Variants in TPTE observed in about 807,000 individuals in gnomAD.
TPTE encodes transmembrane phosphatase with tensin homology.
A neutral mutation model predicts 84.1 loss-of-function variants in TPTE; 59 were observed. The observed-to-expected ratio is 0.70, with a 90% CI of 0.57 to 0.87. The LOEUF is 0.87. Among genes scored for constraint, TPTE ranks in the 40% least tolerant of loss-of-function variants. The probability of loss-of-function intolerance (pLI) is 0.00; values close to 1 mark genes in which losing one functional copy is unlikely to be tolerated. For synonymous variants in TPTE, 130 were observed against 223.5 expected (o/e 0.58, Z 3.73); for missense variants, 382 against 659.6 (o/e 0.58, Z 4.61).
At chr21:10,545,999 A>G (rs949523555) in intron 7 of TPTE, among the ~76,000 whole-genome samples, 32 of 152,328 alleles carry the variant, frequency 2.1e-4, no homozygotes, top group African/African-American at 6.0e-4. Context: ...ATATATACAT[A>G]TATGTGTGTG....
At chr21:10,529,729 C>T (rs1477377362) in intron 3 of TPTE, among the ~76,000 whole-genome samples, 15 of 152,422 alleles carry the variant, frequency 9.8e-5, no homozygotes, top group South Asian at 2.1e-4. Flanking sequence ...CAGATTTATT[C>T]GCTGACAAGT....
intron 20 of TPTE, among the ~76,000 whole-genome samples, chr21:10,596,897 A>G (rs2075599008): frequency 6.6e-6 from 1 of 152,310 alleles, no homozygotes; most frequent in Admixed American, 6.5e-5. Context: ...TGGAATGGGA[A>G]AGAGGGAACT....
chr21:10,539,765 A>C (rs1228947974), intron 4 of TPTE, among the ~76,000 whole-genome samples: 1 of 152,312 alleles, frequency 6.6e-6, no homozygotes, highest in Non-Finnish European at 1.5e-5. Context: ...TAGTCCTAGC[A>C]CTTTGGGAGG....
chr21:10,584,879 A>AGTGTGTGTGTGTGTGTGTGT, intron 17 of TPTE, among the ~76,000 whole-genome samples: 2 of 148,850 alleles, frequency 1.3e-5, no homozygotes, highest in East Asian at 2.0e-4. Flanking sequence ...ATGCTTTACG[A>AGTGTGTGTGTGTGTGTGTGT]GTGTGTGTGT....
intron 17 of TPTE, among the ~76,000 whole-genome samples, chr21:10,589,926 A>G (rs1173769113): frequency 6.6e-6 from 1 of 152,312 alleles, no homozygotes; most frequent in African/African-American, 2.4e-5. Flanking sequence ...AAAAGCCTGT[A>G]ATCTGCCATC....
At chr21:10,603,470 A>T (rs926473091) in intron 22 of TPTE, 92 bp from the exon 23 acceptor site, 2 of 1,271,694 alleles carry the variant, frequency 1.6e-6, no homozygotes, top group Non-Finnish European at 1.1e-6. Flanking sequence ...TGTTTGATAA[A>T]TATAAAAAAG....
chr21:10,600,118 T>C (rs1323147150), intron 21 of TPTE, among the ~76,000 whole-genome samples: 1 of 152,266 alleles, frequency 6.6e-6, no homozygotes, highest in East Asian at 1.9e-4. Flanking sequence ...TTTGTTGTTG[T>C]TTTTCCAATT....
In TPTE at chr21:10,542,432, G is replaced by T. The variant is rs143765390; in HGVS notation, c.103G>T (p.Ala35Ser). 257 of 1,610,956 alleles carry T rather than the reference G, an allele frequency of 1.6e-4. No individual in the cohort carries two copies. Among genetic ancestry groups the T allele is most frequent in the Admixed American group, 4.2e-4 (25 of 59,856 alleles). The change falls in exon 6 of 24, where the codon GCA becomes TCA. Residue 35 changes from alanine (A) to serine (S), a missense_variant. Ala to Ser is a moderately conservative substitution (Grantham distance 99). Transcript: ENST00000618007. ...TGAATTTAAAGGAGCAACCGAGGAG[G>T]CACCTGCGAAAGAAAGGTGAGCAAT... Reference protein sequence around the residue: ...TSEFKGATEEAPAKESPHTSE... With the variant: ...TSEFKGATEESPAKESPHTSE...
chr21:10,541,618 T>C, intron 5 of TPTE, among the ~76,000 whole-genome samples: 1 of 152,308 alleles, frequency 6.6e-6, no homozygotes, highest in Admixed American at 6.5e-5. Flanking sequence ...CCCTGTATCA[T>C]GTATAGATAA....
chr21:10,584,302 T>C (rs2075322617), intron 17 of TPTE, among the ~76,000 whole-genome samples: 1 of 152,306 alleles, frequency 6.6e-6, no homozygotes, highest in African/African-American at 2.4e-5. Context: ...TCATTTTATT[T>C]ATTAATCTTG....
At chr21:10,566,974 T>C (rs1294979781) in intron 10 of TPTE, among the ~76,000 whole-genome samples, 1 of 136,098 alleles carries the variant, frequency 7.3e-6, no homozygotes. Flanking sequence ...TGAAACTCCA[T>C]CTCAAAAAAA....
intron 3 of TPTE, among the ~76,000 whole-genome samples, chr21:10,536,145 G>T (rs2074261622): frequency 1.3e-5 from 2 of 152,430 alleles, no homozygotes; most frequent in Middle Eastern, 6.8e-3. Flanking sequence ...AGGTGTGGTG[G>T]TGCATGCCTG....
chr21:10,561,605 C>A (rs2092746), intron 10 of TPTE, among the ~76,000 whole-genome samples: 5 of 152,308 alleles, frequency 3.3e-5, no homozygotes, highest in African/African-American at 4.8e-5. Flanking sequence ...CAGTACCCCC[C>A]CCATGTCCTG....
intron 18 of TPTE, among the ~76,000 whole-genome samples, chr21:10,590,962 C>T (rs1177832820): frequency 7.9e-5 from 12 of 152,280 alleles, no homozygotes; most frequent in Non-Finnish European, 1.8e-4. Context: ...ATGCTTCCCT[C>T]ACTTCACCTG....
intron 17 of TPTE, among the ~76,000 whole-genome samples, chr21:10,585,604 T>G (rs1240585146): frequency 6.6e-6 from 1 of 152,310 alleles, no homozygotes; most frequent in Non-Finnish European, 1.5e-5. Context: ...AAATCTTGGC[T>G]TCGTAAAATG....
At chr21:10,572,863 CTT>C (rs1285833571) in intron 14 of TPTE, among the ~76,000 whole-genome samples, 1 of 152,274 alleles carries the variant, frequency 6.6e-6, no homozygotes, top group African/African-American at 2.4e-5. Flanking sequence ...AGGAATCAAA[CTT>C]TGTCACTACA....
At chr21:10,557,859 T>C (rs1406501898) in intron 8 of TPTE, among the ~76,000 whole-genome samples, 1 of 152,296 alleles carries the variant, frequency 6.6e-6, no homozygotes, top group Non-Finnish European at 1.5e-5. Flanking sequence ...ATCCAGGTAT[T>C]AAGCTCAGTA....
intron 8 of TPTE, among the ~76,000 whole-genome samples, chr21:10,556,502 T>TA (rs1467570019): frequency 3.3e-5 from 5 of 152,306 alleles, no homozygotes; most frequent in Admixed American, 2.6e-4. Context: ...GCAATAAACA[T>TA]ACGTGTGCAT....
At chr21:10,539,944 G>C (rs537230407) in intron 4 of TPTE, among the ~76,000 whole-genome samples, 215 of 152,314 alleles carry the variant, frequency 1.4e-3, no homozygotes, top group African/African-American at 4.8e-3. Flanking sequence ...GGGAGGCAGA[G>C]GTTGCAGTGA....
Sources: allele counts gnomAD v4.1 joint callset (sites outside exome capture counted in the v4.1 genomes callset), GRCh38; gene constraint gnomAD v4.1.1; transcripts MANE v1.5; gene names NCBI Gene and HGNC (gene_info 2026-07-23, HGNC 2026-07-21).